Variants in RBFOX1 observed in about 807,000 individuals in gnomAD.
The protein encoded by RBFOX1 is RNA binding fox-1 homolog 1.
A neutral mutation model predicts 57.7 loss-of-function variants in RBFOX1; 8 were observed. The ratio of observed to expected loss-of-function variants is 0.14; its 90% CI spans 0.08 to 0.25. The LOEUF (loss-of-function observed/expected upper bound fraction) is 0.25, where lower values mean the gene tolerates loss of function less well. RBFOX1 is among the 10% of genes least tolerant of loss of function. The pLI, the probability that RBFOX1 is intolerant of heterozygous loss-of-function variation, is 1.00. For synonymous variants in RBFOX1, 326 were observed against 222.4 expected (o/e 1.47, Z -4.15); for missense variants, 611 against 548.5 (o/e 1.11, Z -1.14).
intron 4 of RBFOX1, among the ~76,000 whole-genome samples, chr16:7,266,608 G>T (rs746852724): frequency 1.3e-4 from 20 of 152,148 alleles, no homozygotes; most frequent in Non-Finnish European, 2.9e-4. Context: ...CGCGTTGGAG[G>T]TTAGGGCTTC....
At chr16:6,604,580 T>C (rs1033791449) in intron 2 of RBFOX1, among the ~76,000 whole-genome samples, 2 of 152,202 alleles carry the variant, frequency 1.3e-5, no homozygotes, top group African/African-American at 4.8e-5. Context: ...AATAGCAAGG[T>C]AAAGCAATGG....
At chr16:5,564,522 T>C (rs2045995236) in intron 2 of RBFOX1, among the ~76,000 whole-genome samples, 1 of 152,144 alleles carries the variant, frequency 6.6e-6, no homozygotes, top group South Asian at 2.1e-4. Context: ...ATAACACGTG[T>C]CAGGTGTGTA....
At chr16:5,489,281 A>T (rs2042747719) in intron 2 of RBFOX1, among the ~76,000 whole-genome samples, 1 of 152,224 alleles carries the variant, frequency 6.6e-6, no homozygotes, top group South Asian at 2.1e-4. Context: ...AGGGCACATG[A>T]TGTGGGTGAA....
At chr16:5,626,295 C>T (rs1211783880) in intron 3 of RBFOX1, among the ~76,000 whole-genome samples, 1 of 152,184 alleles carries the variant, frequency 6.6e-6, no homozygotes, top group Non-Finnish European at 1.5e-5. Flanking sequence ...TGCAGCCTCC[C>T]TCCTTGGCTT....
intron 11 of RBFOX1, among the ~76,000 whole-genome samples, chr16:7,648,152 T>G (rs2064134717): frequency 1.3e-5 from 2 of 152,192 alleles, no homozygotes; most frequent in South Asian, 4.1e-4. Context: ...TTGAAATGGA[T>G]TATTCGTGTT....
intron 3 of RBFOX1, among the ~76,000 whole-genome samples, chr16:5,866,090 C>G (rs562165217): frequency 1.3e-5 from 2 of 152,188 alleles, no homozygotes; most frequent in Admixed American, 1.3e-4. Flanking sequence ...GCCTCAGCCT[C>G]CCGAGTAGCT....
At chr16:5,591,584 C>T (rs1167133113) in intron 2 of RBFOX1, among the ~76,000 whole-genome samples, 2 of 152,196 alleles carry the variant, frequency 1.3e-5, no homozygotes, top group Non-Finnish European at 2.9e-5. Flanking sequence ...TCAGTTTCTT[C>T]TCTGTCTTCT....
intron 2 of RBFOX1, among the ~76,000 whole-genome samples, chr16:6,596,160 G>C (rs2153998516): frequency 6.6e-6 from 1 of 151,968 alleles, no homozygotes; most frequent in African/African-American, 2.4e-5. Context: ...TTATTCTTTT[G>C]GTGTCATTTT....
At chr16:5,255,855 G>C (rs1337498730) in intron 1 of RBFOX1, among the ~76,000 whole-genome samples, 2 of 152,038 alleles carry the variant, frequency 1.3e-5, no homozygotes, top group Admixed American at 6.6e-5. Flanking sequence ...GGCTCAAACT[G>C]AGCTGCCTCC....
chr16:6,837,613 G>C (rs1364470080), intron 3 of RBFOX1, among the ~76,000 whole-genome samples: 1 of 152,136 alleles, frequency 6.6e-6, no homozygotes, highest in Non-Finnish European at 1.5e-5. Context: ...GTGCAATCTT[G>C]GGCAAGTCGC....
In RBFOX1 at chr16:6,537,272, C is replaced by T. The variant is rs538799235; in HGVS notation, c.-63-117331C>T. ...GGTTCGTGCACCAGAATATGAACAGCAATATTTTATAGGGTGTTAAGCAAC... is the reference window on the plus strand; with the variant it reads ...GGTTCGTGCACCAGAATATGAACAGTAATATTTTATAGGGTGTTAAGCAAC... On this transcript the variant is annotated intron_variant, in intron 2 of 15. Transcript: ENST00000550418. Among the ~76,000 whole-genome samples the T allele has an allele frequency of 3.9e-5, 6 of 152,118 alleles. No homozygotes were observed. The South Asian group carries it at 1.0e-3, about 26-fold the overall frequency.
At chr16:6,413,462 C>T (rs2093530784) in intron 2 of RBFOX1, among the ~76,000 whole-genome samples, 1 of 152,068 alleles carries the variant, frequency 6.6e-6, no homozygotes, top group Non-Finnish European at 1.5e-5. Context: ...CTGTGTCCAG[C>T]CAAAATTTAT....
chr16:7,189,689 A>G (rs147966513), intron 4 of RBFOX1, among the ~76,000 whole-genome samples: 185 of 152,262 alleles, frequency 1.2e-3, no homozygotes, highest in African/African-American at 4.3e-3. Context: ...GGAAAAAGGT[A>G]CCATAGGTTA....
intron 1 of RBFOX1, among the ~76,000 whole-genome samples, chr16:5,385,241 A>T (rs1596775977): frequency 6.6e-6 from 1 of 152,224 alleles, no homozygotes; most frequent in African/African-American, 2.4e-5. Context: ...ATTAAAAGCT[A>T]GAAGCGACTC....
intron 3 of RBFOX1, among the ~76,000 whole-genome samples, chr16:5,703,124 A>G (rs58486289): frequency 6.6e-6 from 1 of 152,292 alleles, no homozygotes; most frequent in East Asian, 1.9e-4. Flanking sequence ...TGGCATTTAC[A>G]GTCTAAGGCA....
chr16:6,810,191 T>G lies in RBFOX1; in HGVS notation c.-16+155541T>G, dbSNP rs537922069. ...ACTCTCATTGTCTTATGTGTGCAAC[T>G]TGGAGTGGATTGTTAGCTATCCAGA... On this transcript the variant is annotated intron_variant, in intron 3 of 15. Transcript: ENST00000550418. 3.9e-5 allele frequency among the ~76,000 whole-genome samples: 6 copies of G among 152,326 alleles called. No individual in the cohort carries two copies. The South Asian group carries it at 1.2e-3, about 32-fold the overall frequency.
intron 3 of RBFOX1, among the ~76,000 whole-genome samples, chr16:6,773,170 TTG>T (rs746551090): frequency 3.5e-4 from 9 of 25,476 alleles, no homozygotes; most frequent in South Asian, 2.8e-3. Context: ...TGGGGTGCAT[TTG>T]TGTGTGTGTG....
chr16:5,868,783 T>G (rs985422982), intron 4 of RBFOX1, among the ~76,000 whole-genome samples: 7 of 152,116 alleles, frequency 4.6e-5, no homozygotes, highest in Admixed American at 2.0e-4. Context: ...CAACACAAAT[T>G]TTGTTTCCTC....
intron 2 of RBFOX1, among the ~76,000 whole-genome samples, chr16:6,443,171 T>G (rs2795570): frequency 0.033 from 5,090 of 152,248 alleles, 320 homozygotes; most frequent in African/African-American, 0.12. Context: ...ATCCCTTCCA[T>G]GTATATGAAG....
Sources: allele counts gnomAD v4.1 joint callset (sites outside exome capture counted in the v4.1 genomes callset), GRCh38; gene constraint gnomAD v4.1.1; transcripts MANE v1.5; gene names NCBI Gene and HGNC (gene_info 2026-07-23, HGNC 2026-07-21).